KLHL2: variants seen among roughly 807,000 people sequenced by gnomAD.
KLHL2 encodes the protein kelch-like protein 2.
KLHL2 carries 15 observed loss-of-function variants against 75.8 expected under a neutral mutation model. The observed-to-expected ratio is 0.20, with a 90% CI of 0.13 to 0.30. The LOEUF is 0.30. Among genes scored for constraint, KLHL2 ranks in the 10% least tolerant of loss-of-function variants. KLHL2 has a pLI of 1.00. For synonymous variants in KLHL2, 214 were observed against 251.9 expected (o/e 0.85, Z 1.42); for missense variants, 381 against 741.0 (o/e 0.51, Z 5.64).
intron 8 of KLHL2, among the ~76,000 whole-genome samples, chr4:165,302,242 G>A (rs2126528249): frequency 6.6e-6 from 1 of 152,246 alleles, no homozygotes; most frequent in South Asian, 2.1e-4. Context: ...TTTCGAAAAG[G>A]TGCTGGTGAT....
At chr4:165,227,907 T>A (rs1484504132) in intron 2 of KLHL2, among the ~76,000 whole-genome samples, 2 of 152,110 alleles carry the variant, frequency 1.3e-5, no homozygotes, top group Non-Finnish European at 2.9e-5. Context: ...ATGCTTTTTT[T>A]TTTTTTTTGA....
rs753928308 is a variant in KLHL2 at position 165,238,835 on chromosome 4, C to T, written c.317C>T (p.Thr106Ile). The T allele has an allele frequency of 6.2e-7, 1 of 1,613,972 alleles. No homozygotes were observed. Among genetic ancestry groups the T allele is most frequent in the East Asian group, 2.2e-5 (1 of 44,870 alleles). Residue 106 changes from threonine to isoleucine, a missense_variant, in exon 4 of 15, where the codon ACC becomes ATC. Thr to Ile is a moderately conservative substitution (Grantham distance 89). Transcript: ENST00000226725. The stretch of plus-strand genomic sequence containing the variant: ...AGAATAAAAGAGGTAGATGGCTGGA[C>T]CCTGAGGATGCTAATTGATTATGTT... ...RVRIKEVDGW[T>I]LRMLIDYVYT...
At chr4:165,210,190 T>G (rs746116095) in intron 1 of KLHL2, 42 of 1,551,250 alleles carry the variant, frequency 2.7e-5, no homozygotes, top group Non-Finnish European at 3.4e-5. Context: ...TGTAAGTGTC[T>G]GTTTATTAAT....
Position 165,294,420 on chromosome 4 carries a change from G to A in KLHL2, c.606G>A (p.Val202=). 2 of 1,611,434 alleles carry A rather than the reference G, an allele frequency of 1.2e-6. No individual in the cohort carries two copies. Among genetic ancestry groups the A allele is most frequent in the Non-Finnish European group, 1.7e-6 (2 of 1,177,846 alleles). Residue 202 remains valine (V), a synonymous_variant, in exon 6 of 15, where the codon GTG becomes GTA. Coordinates refer to ENST00000226725, the MANE Select transcript of KLHL2 (RefSeq NM_007246.4). ...TTCTCAATCTTGGCATCGAACAAGT[G>A]TGCAGCTTAATCTCAAGTGACAAAC... The part of the protein sequence containing the change: ...EEFLNLGIEQ[V]CSLISSDKLT...
chr4:165,279,965 C>T (rs1165618244), intron 5 of KLHL2, among the ~76,000 whole-genome samples: 5 of 152,192 alleles, frequency 3.3e-5, no homozygotes, highest in Admixed American at 1.3e-4. Context: ...CTATCATCTT[C>T]CCCCCACAAA....
At chr4:165,264,585 C>CATATATATATATAT (rs55960426) in intron 5 of KLHL2, among the ~76,000 whole-genome samples, 42 of 129,380 alleles carry the variant, frequency 3.2e-4, no homozygotes, top group African/African-American at 1.2e-3. Context: ...AGTATTCCAT[C>CATATATATATATAT]ATATATATAT....
chr4:165,260,440 C>T (rs1741562001), intron 4 of KLHL2, among the ~76,000 whole-genome samples: 1 of 152,104 alleles, frequency 6.6e-6, no homozygotes, highest in African/African-American at 2.4e-5. Flanking sequence ...TATGCCCCTT[C>T]CAGATAGGAG....
chr4:165,305,464 G>C (rs911763418), intron 8 of KLHL2, 144 bp from the exon 9 acceptor site: 2 of 645,050 alleles, frequency 3.1e-6, no homozygotes, highest in South Asian at 3.9e-5. Flanking sequence ...TGAAATGTTG[G>C]TTAGGTGGTT....
At chr4:165,210,534 T>C (rs1435921638) in intron 1 of KLHL2, among the ~76,000 whole-genome samples, 1 of 152,252 alleles carries the variant, frequency 6.6e-6, no homozygotes, top group African/African-American at 2.4e-5. Context: ...CTTGAGTATA[T>C]GTGGCATTTA....
At chr4:165,312,563 A>T (rs772506389) in intron 11 of KLHL2, among the ~76,000 whole-genome samples, 1 of 152,148 alleles carries the variant, frequency 6.6e-6, no homozygotes, top group Non-Finnish European at 1.5e-5. Context: ...TCATGTATAC[A>T]GTTCATTGTG....
intron 13 of KLHL2, among the ~76,000 whole-genome samples, chr4:165,317,118 T>A (rs1027168511): frequency 6.6e-6 from 1 of 152,062 alleles, no homozygotes; most frequent in African/African-American, 2.4e-5. Context: ...TAGCTAACCA[T>A]TCAGTGTGAT....
chr4:165,295,019 C>A (rs1744805769), intron 6 of KLHL2, among the ~76,000 whole-genome samples: 1 of 152,150 alleles, frequency 6.6e-6, no homozygotes, highest in Non-Finnish European at 1.5e-5. Flanking sequence ...GCCTGCCTCC[C>A]TGACTCTCTC....
At chr4:165,299,451 A>T in intron 7 of KLHL2, 56 bp from the exon 8 acceptor site, 1 of 1,449,970 alleles carries the variant, frequency 6.9e-7, no homozygotes, top group East Asian at 2.4e-5. Context: ...TTTCTTTGGC[A>T]ATTTAATTAT....
intron 4 of KLHL2, among the ~76,000 whole-genome samples, chr4:165,253,042 AT>A (rs1228449266): frequency 1.3e-5 from 2 of 151,956 alleles, no homozygotes; most frequent in East Asian, 3.9e-4. Flanking sequence ...TTTATTTTTT[AT>A]TTTTTTGAGA....
chr4:165,228,706 C>T lies in KLHL2; in HGVS notation c.153-101C>T, dbSNP rs915112273. 35 of 669,504 alleles carry T rather than the reference C, an allele frequency of 5.2e-5. No homozygotes were observed. In the African/African-American group the frequency reaches 5.9e-4, roughly 11 times the overall value. The allele number at this position is 669,504 out of a possible 1,614,324, so 41.5% of individuals were successfully genotyped here. ...GATGGCTGTCTTTTACGTTAGTCTC[C>T]ACTTGATGAAAGTGGGCTTTACTGT... On this transcript the variant is annotated intron_variant, in intron 2 of 14. Coordinates refer to ENST00000226725, the MANE Select transcript of KLHL2 (RefSeq NM_007246.4).
At position 165,288,142 on chromosome 4, in the gene KLHL2, A is replaced by T. The variant is rs568161893; in HGVS notation, c.545-6217A>T. ...GGAATTTTATAGTTTTGAGTCTTAC[A>T]TTTAGATCCTTAGTCCATTTTGAAT... is the stretch of plus-strand genomic sequence containing the variant. On this transcript the variant is annotated intron_variant, in intron 5 of 14. Coordinates refer to ENST00000226725, the MANE Select transcript of KLHL2 (RefSeq NM_007246.4). Among the ~76,000 whole-genome samples the T allele has an allele frequency of 3.3e-5, 5 of 152,248 alleles. No homozygotes were observed. The South Asian group carries it at 8.3e-4, about 25-fold the overall frequency.
At chr4:165,311,781 C>A (rs1356782445) in intron 11 of KLHL2, among the ~76,000 whole-genome samples, 1 of 151,512 alleles carries the variant, frequency 6.6e-6, no homozygotes, top group Non-Finnish European at 1.5e-5. Context: ...CTCTCTATCC[C>A]CCTCCCTTTA....
At chr4:165,245,584 G>A (rs1433637992) in intron 4 of KLHL2, among the ~76,000 whole-genome samples, 2 of 152,140 alleles carry the variant, frequency 1.3e-5, no homozygotes, top group African/African-American at 2.4e-5. Flanking sequence ...TAGGAGTCAC[G>A]CTGTGGCTTG....
Position 165,316,076 on chromosome 4 carries a change from G to A in KLHL2, c.1610-1750G>A, listed in dbSNP as rs915880019. Among the ~76,000 whole-genome samples the A allele has an allele frequency of 3.3e-5, 5 of 152,266 alleles. No homozygotes were observed. The East Asian group carries it at 9.6e-4, about 29-fold the overall frequency. On this transcript the variant is annotated intron_variant, in intron 13 of 14. Transcript: ENST00000226725. ...CACTGCAGGAAGGTGCATCCTTTTG[G>A]CAAAGTGATTTGGCTCCTATCGCCT...
Sources: allele counts gnomAD v4.1 joint callset (sites outside exome capture counted in the v4.1 genomes callset), GRCh38; gene constraint gnomAD v4.1.1; transcripts MANE v1.5; gene names NCBI Gene and HGNC (gene_info 2026-07-23, HGNC 2026-07-21).